PIEZO1: variants seen among roughly 807,000 people sequenced by gnomAD.
PIEZO1 encodes the protein piezo-type mechanosensitive ion channel component 1.
A neutral mutation model predicts 297.2 loss-of-function variants in PIEZO1; 296 were observed. The observed-to-expected ratio is 1.00, with a 90% CI of 0.91 to 1.10. PIEZO1 has a LOEUF of 1.10. Ranked by LOEUF, PIEZO1 falls within the 50% of genes least tolerant of loss-of-function variation. The pLI, the probability that PIEZO1 is intolerant of heterozygous loss-of-function variation, is 0.00. For missense variants in PIEZO1, 5,018 were observed against 3,455.5 expected, an observed-to-expected ratio of 1.45 and a Z score of -11.34; for synonymous variants, 2,427 against 1,507.5, an observed-to-expected ratio of 1.61 and a Z score of -14.13.
chr16:88,770,500 G>A (rs750758977), intron 1 of PIEZO1, among the ~76,000 whole-genome samples: 2 of 152,238 alleles, frequency 1.3e-5, no homozygotes, highest in South Asian at 2.1e-4. Context: ...TGAGCAGGGC[G>A]TTCTCCTCAG....
At position 88,719,864 on chromosome 16, in the gene PIEZO1, G is replaced by T. The variant is rs983606487; in HGVS notation, c.6261C>A (p.Thr2087=). ...SAYQIRCGYP[T]RILGNFLTKK... is the part of the protein sequence containing the mutation. ...TGGTGAGGAAGTTGCCGAGGATGCG[G>T]GTGGGGTAGCCGCAGCGGATCTGGT... The change falls in exon 43 of 51, where the codon ACC becomes ACA. Residue 2087 remains threonine, a synonymous_variant. Transcript: ENST00000301015. 6.4e-7 allele frequency: 1 copy of T among 1,550,568 alleles called. No homozygotes were observed. The highest frequency in any genetic ancestry group is 1.4e-5 in the African/African-American group (1 of 73,182).
At chr16:88,747,549 C>T (rs1288308648) in intron 2 of PIEZO1, among the ~76,000 whole-genome samples, 1 of 152,192 alleles carries the variant, frequency 6.6e-6, no homozygotes, top group African/African-American at 2.4e-5. Flanking sequence ...ATTGCCCACC[C>T]CACAGCACCA....
chr16:88,723,793 G>T, intron 31 of PIEZO1, 78 bp downstream of exon 31: 4 of 781,764 alleles, frequency 5.1e-6, no homozygotes, highest in South Asian at 1.6e-5. Flanking sequence ...GGGGGCATCT[G>T]ACACCCTCTA....
chr16:88,735,185 T>G lies in PIEZO1; in HGVS notation c.1619A>C (p.Lys540Thr), dbSNP rs1293097151. ...LRQFVKEKLL[K>T]WAESPAALTE... ...CAGCGCAGCTGGAGACTCTGCCCAC[T>G]TCAGCAGCTTCTCTTTCACAAACTG... Residue 540 changes from lysine to threonine, a missense_variant, in exon 13 of 51, where the codon AAG becomes ACG. Transcript: ENST00000301015. The G allele has an allele frequency of 6.4e-7, 1 of 1,550,396 alleles. No individual in the cohort carries two copies. Among genetic ancestry groups the G allele is most frequent in the Non-Finnish European group, 8.7e-7 (1 of 1,146,932 alleles).
In PIEZO1 at chr16:88,735,229, G is replaced by T; in HGVS notation, c.1575C>A (p.Thr525=). ...DLGAMLLYTL[T]FWLLLRQFVK... The stretch of plus-strand genomic sequence containing the variant: ...CAAACTGGCGCAGCAGGAGCCAGAA[G>T]GTCAGGGTGTAGAGCAACTGTGACA... Residue 525 remains threonine (T), a synonymous_variant, in exon 13 of 51, where the codon ACC becomes ACA. Coordinates refer to ENST00000301015, the MANE Select transcript of PIEZO1 (RefSeq NM_001142864.4). The T allele has an allele frequency of 6.5e-7, 1 of 1,550,204 alleles. No individual in the cohort carries two copies. Among genetic ancestry groups the T allele is most frequent in the Non-Finnish European group, 8.7e-7 (1 of 1,146,718 alleles).
chr16:88,757,960 C>G (rs939775036), intron 1 of PIEZO1, among the ~76,000 whole-genome samples: 34 of 152,304 alleles, frequency 2.2e-4, no homozygotes, highest in African/African-American at 7.2e-4. Context: ...CACAGAAAGG[C>G]CTGGCTGGAC....
rs1567660363 is a variant in PIEZO1 at position 88,720,518 on chromosome 16, T to C, written c.5816A>G (p.Tyr1939Cys). ...GTGGAAGAAGCGCCGTAGCGGCCGA[T>C]ATGTGCCCTGGGCCCTGCGGAAGGG... is the stretch of plus-strand genomic sequence containing the variant. ...GFCLSLAQGT[Y>C]RPLRRFFHDI... The change falls in exon 41 of 51, where the codon TAT (tyrosine) becomes TGT (cysteine). Residue 1939 changes from tyrosine (Y) to cysteine (C), a missense_variant. By Grantham distance (194) the Tyr-to-Cys change is radical. Coordinates refer to ENST00000301015, the MANE Select transcript of PIEZO1 (RefSeq NM_001142864.4). 1.3e-6 allele frequency: 2 copies of C among 1,550,090 alleles called. No individual in the cohort carries two copies. The highest frequency in any genetic ancestry group is 2.4e-5 in the East Asian group (1 of 40,912).
At position 88,722,401 on chromosome 16, in the gene PIEZO1, G is replaced by A. The variant is rs1406467229; in HGVS notation, c.4776-4C>T. 4 of 1,491,034 alleles carry A rather than the reference G, an allele frequency of 2.7e-6. No individual in the cohort carries two copies. Among genetic ancestry groups the A allele is most frequent in the South Asian group, 2.7e-5 (2 of 75,470 alleles). 92.4% of individuals were successfully genotyped at this position (1,491,034 alleles called of 1,614,324 possible). On this transcript the variant is annotated splice_region_variant and splice_polypyrimidine_tract_variant and intron_variant, in intron 35 of 50. Coordinates refer to ENST00000301015, the MANE Select transcript of PIEZO1 (RefSeq NM_001142864.4). ...TGGCTCCTCCGCGCCCAGCCCACTG[G>A]GGAGGGAAGCCGAGTCACAGAGAAT...
Position 88,715,802 on chromosome 16 carries a change from C to A in PIEZO1, c.7369G>T (p.Gly2457Ter). The change falls in exon 51 of 51, where the codon GGA becomes TGA. Residue 2457 changes from glycine to a stop codon, truncating the protein, a stop_gained. Coordinates refer to ENST00000301015, the MANE Select transcript of PIEZO1 (RefSeq NM_001142864.4). LOFTEE classifies it high-confidence loss of function. ...GAGTGCGAGATCTCGCTGAAGAATCCGCGCACGAACTTGCCGATGACCAGC... is the reference window on the plus strand; with the variant it reads ...GAGTGCGAGATCTCGCTGAAGAATCAGCGCACGAACTTGCCGATGACCAGC... ...IVLVIGKFVRGFFSEISHSIM... is the reference protein window; with the variant it reads ...IVLVIGKFVR 1 of 1,550,270 alleles carries A rather than the reference C, an allele frequency of 6.5e-7. No individual in the cohort carries two copies. The highest frequency in any genetic ancestry group is 8.7e-7 in the Non-Finnish European group (1 of 1,146,932).
In PIEZO1 at chr16:88,734,898, G is replaced by C; in HGVS notation, c.1825C>G (p.Leu609Val). The change falls in exon 14 of 51, where the codon CTG (leucine) becomes GTG (valine). Residue 609 changes from leucine (L) to valine (V), a missense_variant. Transcript: ENST00000301015. Reference protein sequence around the residue: ...VYKIVYMFLFLLCLTLFQVYY... With the variant: ...VYKIVYMFLFVLCLTLFQVYY... ...ACCTGGAAGAGGGTGAGGCAGAGCA[G>C]GAAGAGGAACATGTAGACAATCTTG... 2 of 1,550,392 alleles carry C rather than the reference G, an allele frequency of 1.3e-6. No homozygotes were observed. Among genetic ancestry groups the C allele is most frequent in the African/African-American group, 2.7e-5 (2 of 73,180 alleles).
intron 22 of PIEZO1, 50 bp from the exon 23 acceptor site, chr16:88,727,711 G>T: frequency 2.2e-6 from 2 of 919,822 alleles, no homozygotes; most frequent in South Asian, 2.1e-5. Context: ...CCTGGGGCCT[G>T]AGACACCCGG....
chr16:88,742,814 CTG>C, intron 2 of PIEZO1: 1 of 342,036 alleles, frequency 2.9e-6, no homozygotes. Context: ...CCAGTGGGGG[CTG>C]CAGGTGGATG....
intron 2 of PIEZO1, chr16:88,743,139 G>T: frequency 2.2e-6 from 1 of 456,274 alleles, no homozygotes; most frequent in South Asian, 1.5e-5. Context: ...AGCTGCCTGT[G>T]GCCCCACTGG....
chr16:88,756,799 A>G (rs1004186314), intron 1 of PIEZO1, among the ~76,000 whole-genome samples: 6 of 141,750 alleles, frequency 4.2e-5, no homozygotes, highest in Non-Finnish European at 7.7e-5. Flanking sequence ...CAAACAAGCC[A>G]GGTGCAGTGG....
In PIEZO1 at chr16:88,720,162, C is replaced by T. The variant is rs751891971; in HGVS notation, c.6071G>A (p.Arg2024His). ...GGCCAGCTTGCCCAGCACGGTCTTG[C>T]GCAGGTAGAGGGCGCGGTCAACCAC... ...TMVVDRALYL[R>H]KTVLGKLAFQ... The change falls in exon 42 of 51, where the codon CGC (arginine) becomes CAC (histidine). Residue 2024 changes from arginine (R) to histidine (H), a missense_variant. Physicochemically the swap from Arg to His is conservative, Grantham distance 29. Transcript: ENST00000301015. 3.2e-5 allele frequency: 49 copies of T among 1,550,356 alleles called. No individual in the cohort carries two copies. Among genetic ancestry groups the T allele is most frequent in the East Asian group, 4.9e-5 (2 of 40,938 alleles).
rs749227195 is a variant in PIEZO1 at position 88,722,169 on chromosome 16, C to T, written c.4955+49G>A. The T allele has an allele frequency of 2.0e-5, 31 of 1,528,034 alleles. No individual in the cohort carries two copies. The African/African-American group carries it at 3.7e-4, about 18-fold the overall frequency. The allele number at this position is 1,528,034 out of a possible 1,614,324, so 94.7% of individuals were successfully genotyped here. A position where few individuals can be genotyped will look rare whatever the true frequency, so the allele number is the denominator to read the frequency against. On this transcript the variant is annotated intron_variant, in intron 36 of 50. Coordinates refer to ENST00000301015, the MANE Select transcript of PIEZO1 (RefSeq NM_001142864.4). The stretch of plus-strand genomic sequence containing the variant: ...TCAGTCTCCTGCCCCTGTTCGGCTG[C>T]TCCCCGAGGGCCATGGTGAGGCTGG...
In PIEZO1 at chr16:88,736,244, G is replaced by C; in HGVS notation, c.1461C>G (p.Asp487Glu). The C allele has an allele frequency of 6.5e-7, 1 of 1,550,114 alleles. No homozygotes were observed. Among genetic ancestry groups the C allele is most frequent in the Non-Finnish European group, 8.7e-7 (1 of 1,146,814 alleles). Residue 487 changes from aspartate to glutamate, a missense_variant, in exon 12 of 51, where the codon GAC (aspartate) becomes GAG (glutamate). Physicochemically the swap from Asp to Glu is conservative, Grantham distance 45. Transcript: ENST00000301015. ...LCCLRYVWAM[D>E]LRPELPTTLG... ...GGGTGGTGGGCAGCTCAGGGCGCAG[G>C]TCCATGGCCCACACGTAGCGTAGGC... is the stretch of plus-strand genomic sequence containing the variant.
At chr16:88,772,518 C>A (rs184914740) in intron 1 of PIEZO1, among the ~76,000 whole-genome samples, 1 of 152,272 alleles carries the variant, frequency 6.6e-6, no homozygotes, top group South Asian at 2.1e-4. Context: ...CAGTGGCTCA[C>A]GCCTGTAATC....
chr16:88,772,326 G>A (rs895096118), intron 1 of PIEZO1, among the ~76,000 whole-genome samples: 5 of 152,242 alleles, frequency 3.3e-5, no homozygotes, highest in African/African-American at 9.6e-5. Context: ...CAGGTAAGCA[G>A]GCTCTTGTGG....
Sources: allele counts gnomAD v4.1 joint callset (sites outside exome capture counted in the v4.1 genomes callset), GRCh38; gene constraint gnomAD v4.1.1; transcripts MANE v1.5; gene names NCBI Gene and HGNC (gene_info 2026-07-23, HGNC 2026-07-21).